Variants in FBN2 observed in about 807,000 individuals in gnomAD.
FBN2 encodes fibrillin-2.
FBN2 carries 105 observed loss-of-function variants against 355.6 expected under a neutral mutation model. That is an observed-to-expected ratio of 0.30 (90% CI 0.25 to 0.35). The LOEUF (loss-of-function observed/expected upper bound fraction) is 0.35. Among genes scored for constraint, FBN2 ranks in the 10% least tolerant of loss-of-function variants. The pLI is 1.00. For synonymous variants in FBN2, 1,350 were observed against 1,301.2 expected (o/e 1.04, Z -0.81); for missense variants, 3,280 against 3,758.7 (o/e 0.87, Z 3.33).
chr5:128,477,744 C>T (rs558194599), intron 5 of FBN2, among the ~76,000 whole-genome samples: 12 of 152,242 alleles, frequency 7.9e-5, no homozygotes, highest in Non-Finnish European at 1.5e-4. Flanking sequence ...TATCTGACAC[C>T]AAAATCCATG....
chr5:128,371,196 C>G (rs1751924517), intron 15 of FBN2: 1 of 152,136 alleles, frequency 6.6e-6, no homozygotes, highest in Admixed American at 6.5e-5. Context: ...AGATAACTCA[C>G]TATTTCCCTA....
chr5:128,320,168 T>A (rs1750330069), intron 34 of FBN2, among the ~76,000 whole-genome samples: 1 of 152,138 alleles, frequency 6.6e-6, no homozygotes. Flanking sequence ...ACAATTGAAT[T>A]GTGTTAATTT....
At position 128,330,648 on chromosome 5, in the gene FBN2, G is replaced by A. The variant is rs763253954; in HGVS notation, c.4270C>T (p.Gln1424Ter). The change falls in exon 33 of 65, where the codon CAG becomes TAG. Residue 1424 changes from glutamine to a stop codon, truncating the protein, a stop_gained. Transcript: ENST00000262464. LOFTEE classifies it high-confidence loss of function. ...TATGAGCCCGGGGTATTTACACACT[G>A]AGCATTGATGCTACACTGGTGGGTT... ...NGTHQCSINA[Q>*]CVNTPGSYRC... is the part of the protein sequence containing the mutation. 1 of 1,613,736 alleles carries A rather than the reference G, an allele frequency of 6.2e-7. No individual in the cohort carries two copies. Among genetic ancestry groups the A allele is most frequent in the South Asian group, 1.1e-5 (1 of 91,078 alleles).
At chr5:128,330,325 T>C (rs979691170) in intron 33 of FBN2, among the ~76,000 whole-genome samples, 1 of 152,216 alleles carries the variant, frequency 6.6e-6, no homozygotes, top group African/African-American at 2.4e-5. Flanking sequence ...TAAGATAAAA[T>C]GGCGAGTCAT....
At chr5:128,520,416 T>A (rs1756400537) in intron 4 of FBN2, among the ~76,000 whole-genome samples, 1 of 152,184 alleles carries the variant, frequency 6.6e-6, no homozygotes, top group Admixed American at 6.5e-5. Flanking sequence ...ACAAATGAAT[T>A]AGAGGATTAT....
chr5:128,411,719 C>T, intron 7 of FBN2, among the ~76,000 whole-genome samples: 1 of 152,188 alleles, frequency 6.6e-6, no homozygotes. Context: ...AGCAGGAATT[C>T]ATGATCTCAT....
chr5:128,380,085 C>T (rs544720145), intron 11 of FBN2, among the ~76,000 whole-genome samples: 5 of 151,998 alleles, frequency 3.3e-5, no homozygotes, highest in Admixed American at 6.6e-5. Flanking sequence ...CAAAGAATAA[C>T]AGGACTAAAT....
chr5:128,479,980 A>C (rs1027930042), intron 5 of FBN2, among the ~76,000 whole-genome samples: 934 of 17,086 alleles, frequency 0.055, 3 homozygotes, highest in East Asian at 0.13. Context: ...CTCTCTCTAT[A>C]TATATATATA....
rs62390671 is a variant in FBN2 at position 128,537,401 on chromosome 5, G to A, written c.203C>T (p.Ala68Val). Residue 68 changes from alanine (A) to valine (V), a missense_variant, in exon 1 of 65, where the codon GCC becomes GTC. Around this residue, in one of 6 missense-constraint regions of FBN2, gnomAD observed 203 missense variants for 142.2 expected, o/e 1.43. Coordinates refer to ENST00000262464, the MANE Select transcript of FBN2 (RefSeq NM_001999.4). ...CCGGCGGACGCGGCTGGCCACTGCG[G>A]CACCCTCCTCGCGATACTCGGGCGC... Reference protein sequence around the residue: ...FLAPEYREEGAAVASRVRRRG... With the variant: ...FLAPEYREEGVAVASRVRRRG... 0.041 allele frequency: 66,129 copies of A among 1,610,132 alleles called. 1,512 individuals are homozygous for A. The highest frequency in any genetic ancestry group is 0.048 in the Non-Finnish European group (56,436 of 1,179,454).
chr5:128,283,235 A>C (rs1272630302), intron 55 of FBN2, among the ~76,000 whole-genome samples: 2 of 152,232 alleles, frequency 1.3e-5, no homozygotes, highest in Non-Finnish European at 2.9e-5. Flanking sequence ...AAACAATACA[A>C]AAAACTCTCT....
intron 18 of FBN2, among the ~76,000 whole-genome samples, chr5:128,363,673 T>A (rs1002735034): frequency 2.0e-5 from 3 of 152,180 alleles, no homozygotes; most frequent in Non-Finnish European, 4.4e-5. Flanking sequence ...ACATGACCGG[T>A]GTCCATGTGA....
intron 7 of FBN2, among the ~76,000 whole-genome samples, chr5:128,437,677 T>C (rs911398351): frequency 5.9e-5 from 9 of 151,872 alleles, no homozygotes; most frequent in African/African-American, 2.2e-4. Context: ...AATACTATGA[T>C]TAATACAATA....
chr5:128,421,347 T>C (rs1753346291), intron 7 of FBN2, among the ~76,000 whole-genome samples: 1 of 152,126 alleles, frequency 6.6e-6, no homozygotes. Flanking sequence ...ACAGTCTCAG[T>C]TCCAGCTAAT....
chr5:128,413,707 G>A (rs769886461), intron 7 of FBN2, among the ~76,000 whole-genome samples: 1 of 151,954 alleles, frequency 6.6e-6, no homozygotes, highest in Non-Finnish European at 1.5e-5. Flanking sequence ...ATTCTTATAG[G>A]TACATGTCAC....
intron 7 of FBN2, 100 bp from the exon 8 acceptor site, chr5:128,408,899 A>G: frequency 7.9e-7 from 1 of 1,270,554 alleles, no homozygotes; most frequent in South Asian, 1.2e-5. Context: ...TTCATGGTTG[A>G]TTAGGTCAGA....
rs370361688 is a variant in FBN2 at position 128,341,143 on chromosome 5, C to T, written c.3344-2082G>A. ...TGAGAGCCAACAATTTTCCACAGAA[C>T]TTCACAGTATATCCAGAGCAATGCA... On this transcript the variant is annotated intron_variant, in intron 25 of 64. Coordinates refer to ENST00000262464, the MANE Select transcript of FBN2 (RefSeq NM_001999.4). 1.3e-5 allele frequency among the ~76,000 whole-genome samples: 2 copies of T among 152,214 alleles called. 1 individual carries two copies. The highest frequency in any genetic ancestry group is 4.1e-4 in the South Asian group (2 of 4,836).
At chr5:128,412,151 A>C (rs571497472) in intron 7 of FBN2, among the ~76,000 whole-genome samples, 17 of 152,278 alleles carry the variant, frequency 1.1e-4, no homozygotes, top group African/African-American at 4.1e-4. Flanking sequence ...TATCAGAAAA[A>C]CTGATTTAAA....
chr5:128,455,090 C>A (rs1313994130), intron 6 of FBN2, among the ~76,000 whole-genome samples: 1 of 152,064 alleles, frequency 6.6e-6, no homozygotes, highest in Non-Finnish European at 1.5e-5. Flanking sequence ...AAGCCAAGTA[C>A]TAATCTTAAA....
rs116425887 is a variant in FBN2, at chr5:128,301,021, T to A, written c.6047-85A>T. 6,669 of 1,300,780 alleles carry A rather than the reference T, an allele frequency of 5.1e-3. 28 individuals carry two copies. Among genetic ancestry groups the A allele is most frequent in the Non-Finnish European group, 6.5e-3 (5,912 of 915,814 alleles). 80.6% of individuals were successfully genotyped at this position (1,300,780 alleles called of 1,614,324 possible). On this transcript the variant is annotated intron_variant, in intron 47 of 64. Transcript: ENST00000262464. ...ATCTGTCTGCCAAATGATATTAACA[T>A]GAATTCAACTCGGGTCCTCTGATCT...
Sources: allele counts gnomAD v4.1 joint callset (sites outside exome capture counted in the v4.1 genomes callset), GRCh38; gene constraint gnomAD v4.1.1; regional missense constraint gnomAD v4.1.1; transcripts MANE v1.5; gene names NCBI Gene and HGNC (gene_info 2026-07-23, HGNC 2026-07-21).